DUOX2: variants seen among roughly 807,000 people sequenced by gnomAD.
DUOX2 encodes the protein dual oxidase 2.
Under a neutral mutation model 183.3 loss-of-function variants are expected in DUOX2, and 185 were observed. The observed-to-expected ratio is 1.01, with a 90% CI of 0.90 to 1.14. DUOX2 has a LOEUF of 1.14. Ranked by LOEUF, DUOX2 falls within the 50% of genes most tolerant of loss-of-function variation. DUOX2 has a pLI of 0.00. For missense variants in DUOX2, 1,999 were observed against 2,022.9 expected (o/e 0.99, Z 0.23); for synonymous variants, 788 against 812.4 (o/e 0.97, Z 0.51).
intron 18 of DUOX2, 132 bp from the exon 19 acceptor site, chr15:45,104,497 T>A: frequency 8.2e-7 from 1 of 1,226,978 alleles, no homozygotes; most frequent in East Asian, 2.6e-5. Context: ...CTCCTGATCC[T>A]TAGATATACT....
rs1456223580 is a variant in DUOX2, at chr15:45,093,838, C to T, written c.*312G>A. ...AGCTGGGGTGAGGAGTGGTCTTTAT[C>T]TTCTTTGGGAGATCCTGACTGGTTG... On this transcript the variant is annotated 3_prime_UTR_variant, in exon 34 of 34. Coordinates refer to ENST00000389039, the MANE Select transcript of DUOX2 (RefSeq NM_001363711.2). 1.0e-5 allele frequency: 4 copies of T among 383,688 alleles called. No individual in the cohort carries two copies. The East Asian group carries it at 2.4e-4, about 23-fold the overall frequency. 23.8% of individuals were successfully genotyped at this position (383,688 alleles called of 1,614,324 possible). A position where few individuals can be genotyped will look rare whatever the true frequency, so the allele number is the denominator to read the frequency against.
chr15:45,097,415 A>T, intron 28 of DUOX2, 24 bp from the exon 29 acceptor site: 3 of 1,614,176 alleles, frequency 1.9e-6, no homozygotes, highest in Non-Finnish European at 2.5e-6. Flanking sequence ...CAGTTAGTAC[A>T]ACTCAGGCCC....
At position 45,111,398 on chromosome 15, in the gene DUOX2, G is replaced by C; in HGVS notation, c.701C>G (p.Pro234Arg). The C allele has an allele frequency of 6.8e-7, 1 of 1,460,306 alleles. No homozygotes were observed. The highest frequency in any genetic ancestry group is 2.5e-5 in the East Asian group (1 of 40,242). 90.5% of individuals were successfully genotyped at this position (1,460,306 alleles called of 1,614,324 possible). The change falls in exon 6 of 34, where the codon CCC becomes CGC. Residue 234 changes from proline to arginine, a missense_variant. Coordinates refer to ENST00000389039, the MANE Select transcript of DUOX2 (RefSeq NM_001363711.2). The part of the protein sequence containing the change: ...APDPATGQNG[P>R]RGLYAFGAER... ...TGTGGCCTCACCGTACAGCCCCCGG[G>C]GCCCGTTCTGCCCGGTGGCGGGGTC...
intron 29 of DUOX2, 60 bp downstream of exon 29, chr15:45,097,178 C>T: frequency 6.2e-7 from 1 of 1,611,534 alleles, no homozygotes; most frequent in Non-Finnish European, 8.5e-7. Flanking sequence ...TGAACTGTCT[C>T]CCCATGTCTG....
chr15:45,111,535 C>A lies in DUOX2; in HGVS notation c.564G>T (p.Ser188=). ...TCCGCAGCGCGTCGCTCCAGGAGTG[C>A]GAGGAGCCATAGATGGCGCTGCCGT... The part of the protein sequence containing the change: ...WLDGSAIYGS[S]HSWSDALRSF... Residue 188 remains serine, a synonymous_variant, in exon 6 of 34, where the codon TCG becomes TCT. Transcript: ENST00000389039. The A allele has an allele frequency of 6.4e-7, 1 of 1,555,052 alleles. No individual in the cohort carries two copies.
Position 45,106,278 on chromosome 15 carries a change from C to T in DUOX2, c.1995G>A (p.Gln665=). 1 of 1,614,146 alleles carries T rather than the reference C, an allele frequency of 6.2e-7. No individual in the cohort carries two copies. Among genetic ancestry groups the T allele is most frequent in the Non-Finnish European group, 8.5e-7 (1 of 1,180,036 alleles). ...CCTGCAGACACCTGTCTGACAGCAG[C>T]TGGATGATGATGGGACTGCTCCTCT... The part of the protein sequence containing the change: ...PKERSSPIII[Q]LLSDRCLQVL... Residue 665 remains glutamine, a synonymous_variant, in exon 17 of 34, where the codon CAG becomes CAA. Transcript: ENST00000389039.
chr15:45,113,845 C>T, intron 1 of DUOX2, 128 bp downstream of exon 1: 1 of 241,732 alleles, frequency 4.1e-6, no homozygotes, highest in South Asian at 5.9e-5. Flanking sequence ...AGGTTACTGA[C>T]CTGGGAGTGA....
chr15:45,105,239 C>T (rs1487131535), intron 18 of DUOX2, among the ~76,000 whole-genome samples: 1 of 151,760 alleles, frequency 6.6e-6, no homozygotes, highest in Non-Finnish European at 1.5e-5. Context: ...CTTGTTAAAA[C>T]ACAGATTGCC....
rs1893940859 is a variant in DUOX2 at position 45,097,637 on chromosome 15, G to C, written c.3670C>G (p.Leu1224Val). 6.2e-7 allele frequency: 1 copy of C among 1,614,270 alleles called. No individual in the cohort carries two copies. Among genetic ancestry groups the C allele is most frequent in the Non-Finnish European group, 8.5e-7 (1 of 1,180,052 alleles). ...SFRGFWLTHH[L>V]YILLYALLII... ...ACCAGGGCATAGAGCAGGATGTAGA[G>C]GTGGTGGGTCAGCCAGAAGCCCCGG... is the stretch of plus-strand genomic sequence containing the variant. Residue 1224 changes from leucine (L) to valine (V), a missense_variant, in exon 28 of 34, where the codon CTC (leucine) becomes GTC (valine). By Grantham distance (32) the Leu-to-Val change is conservative. Transcript: ENST00000389039.
rs986544093 is a variant in DUOX2 at position 45,101,649 on chromosome 15, G to C, written c.2851+144C>G. On this transcript the variant is annotated intron_variant, in intron 21 of 33. Coordinates refer to ENST00000389039, the MANE Select transcript of DUOX2 (RefSeq NM_001363711.2). ...CATTAGGCAACTTGCACACCTACAT[G>C]TGCCATCCCAATTACATGTGCTTGG... The C allele has an allele frequency of 6.8e-5, 71 of 1,048,934 alleles. No individual in the cohort carries two copies. The East Asian group carries it at 1.8e-3, about 26-fold the overall frequency. The allele number at this position is 1,048,934 out of a possible 1,614,324, so 65.0% of individuals were successfully genotyped here. A position where few individuals can be genotyped will look rare whatever the true frequency, so the allele number is the denominator to read the frequency against.
Position 45,093,585 on chromosome 15 carries a change from G to A in DUOX2, c.*565C>T, listed in dbSNP as rs1033859600. On this transcript the variant is annotated 3_prime_UTR_variant, in exon 34 of 34. Coordinates refer to ENST00000389039, the MANE Select transcript of DUOX2 (RefSeq NM_001363711.2). ...GGCTGTCCAGGTTCTAAGCATCACA[G>A]CTTCTGCACTGGGCTCTGAGGAGAT... The A allele has an allele frequency of 1.9e-5, 3 of 159,504 alleles. No homozygotes were observed. Among genetic ancestry groups the A allele is most frequent in the Non-Finnish European group, 4.2e-5 (3 of 72,254 alleles). The allele number at this position is 159,504 out of a possible 1,614,324, so 9.9% of individuals were successfully genotyped here.
Position 45,100,119 on chromosome 15 carries a change from G to A in DUOX2, c.3115C>T (p.Arg1039Trp), listed in dbSNP as rs752176935. ...QQYKRFVENY[R>W]RHIVCVAIFS... is the part of the protein sequence containing the mutation. ...ATTGCCACACACACGATGTGCCTCCGGTAGTTCTCCACGAAGCGCTTGTAC... is the reference window on the plus strand; with the variant it reads ...ATTGCCACACACACGATGTGCCTCCAGTAGTTCTCCACGAAGCGCTTGTAC... The change falls in exon 24 of 34, where the codon CGG becomes TGG. Residue 1039 changes from arginine to tryptophan, a missense_variant. Around this residue, in one of 3 missense-constraint regions of DUOX2, gnomAD observed 1,628 missense variants for 1,608.6 expected, o/e 1.01. Transcript: ENST00000389039. The A allele has an allele frequency of 9.3e-6, 15 of 1,614,204 alleles. No individual in the cohort carries two copies. The highest frequency in any genetic ancestry group is 3.3e-5 in the Admixed American group (2 of 60,032).
Position 45,110,537 on chromosome 15 carries a change from G to C in DUOX2, c.944-13C>G, listed in dbSNP as rs372682461. The C allele has an allele frequency of 5.6e-5, 91 of 1,614,092 alleles. No homozygotes were observed. In the African/African-American group the frequency reaches 1.1e-3, roughly 19 times the overall value. On this transcript the variant is annotated splice_polypyrimidine_tract_variant and intron_variant, in intron 8 of 33. Transcript: ENST00000389039. ...AAAGGACGGTATCCTGCAGGAAGGA[G>C]ACGGTGATGATGGGGAGACAGGCTT...
rs1338379550 is a variant in DUOX2 at position 45,113,975 on chromosome 15, G to A, written c.-17C>T. On this transcript the variant is annotated splice_region_variant and 5_prime_UTR_variant, in exon 1 of 34. Transcript: ENST00000389039. Reference sequence around the variant, plus strand: ...CAGATCCCAAACTCTGGTCTAACCTGTGGTTTAGGGTGGTGTTGGGTTCAG... The same window carrying A: ...CAGATCCCAAACTCTGGTCTAACCTATGGTTTAGGGTGGTGTTGGGTTCAG... 5.3e-6 allele frequency: 1 copy of A among 190,382 alleles called. No homozygotes were observed. Among genetic ancestry groups the A allele is most frequent in the Non-Finnish European group, 1.1e-5 (1 of 90,328 alleles). The allele number at this position is 190,382 out of a possible 1,614,324, so 11.8% of individuals were successfully genotyped here.
chr15:45,095,710 C>T lies in DUOX2; in HGVS notation c.4081-115G>A, dbSNP rs576563372. The T allele has an allele frequency of 4.7e-5, 72 of 1,547,082 alleles. 1 individual carries two copies. The South Asian group carries it at 7.8e-4, about 17-fold the overall frequency. On this transcript the variant is annotated intron_variant, in intron 30 of 33. Coordinates refer to ENST00000389039, the MANE Select transcript of DUOX2 (RefSeq NM_001363711.2). ...ACATCCTAGTCTTTTCTGAGGCACC[C>T]CGGTCCTCTCCCAGGCTGGCTTTGG...
chr15:45,101,204 C>T lies in DUOX2; in HGVS notation c.2921+1G>A. 6.2e-7 allele frequency: 1 copy of T among 1,613,460 alleles called. No homozygotes were observed. The highest frequency in any genetic ancestry group is 8.5e-7 in the Non-Finnish European group (1 of 1,179,746). ...CCTGCCAGAGCCCCATTCCTGCTCACCGCTCCCCAGGTGTCCGAGTGATGA... is the reference window on the plus strand; with the variant it reads ...CCTGCCAGAGCCCCATTCCTGCTCATCGCTCCCCAGGTGTCCGAGTGATGA... On this transcript the variant is annotated splice_donor_variant, in intron 22 of 33. Transcript: ENST00000389039. LOFTEE classifies it high-confidence loss of function.
chr15:45,106,526 A>C lies in DUOX2; in HGVS notation c.1945+2T>G. The C allele has an allele frequency of 6.2e-7, 1 of 1,613,720 alleles. No homozygotes were observed. The highest frequency in any genetic ancestry group is 8.5e-7 in the Non-Finnish European group (1 of 1,179,874). On this transcript the variant is annotated splice_donor_variant, in intron 16 of 33. Transcript: ENST00000389039. LOFTEE classifies it high-confidence loss of function. ...TCCCTCCTCTGCCCAGCCCCTGCTCACCTGGCACTCCATCTTTGGCTGCTT... is the reference window on the plus strand; with the variant it reads ...TCCCTCCTCTGCCCAGCCCCTGCTCCCCTGGCACTCCATCTTTGGCTGCTT...
intron 25 of DUOX2, 57 bp downstream of exon 25, chr15:45,099,605 C>A (rs1378704154): frequency 1.2e-6 from 2 of 1,602,388 alleles, no homozygotes; most frequent in Non-Finnish European, 1.7e-6. Context: ...CCCACTGTTT[C>A]CCCCAACTAG....
intron 22 of DUOX2, 92 bp from the exon 23 acceptor site, chr15:45,100,930 C>A: frequency 1.2e-6 from 1 of 869,328 alleles, no homozygotes; most frequent in Non-Finnish European, 1.9e-6. Context: ...TAGGGAGTGG[C>A]TCCTGGTACC....
Sources: allele counts gnomAD v4.1 joint callset (sites outside exome capture counted in the v4.1 genomes callset), GRCh38; gene constraint gnomAD v4.1.1; regional missense constraint gnomAD v4.1.1; transcripts MANE v1.5; gene names NCBI Gene and HGNC (gene_info 2026-07-23, HGNC 2026-07-21).